The following XKR9 variants were observed in gnomAD, a reference collection of about 807,000 sequenced individuals.
XKR9 encodes XK-related protein 9.
XKR9 carries 32 observed loss-of-function variants against 32.0 expected under a neutral mutation model. The observed-to-expected ratio is 1.00, with a 90% CI of 0.76 to 1.34. XKR9 has a LOEUF of 1.34. Among genes scored for constraint, XKR9 ranks in the 40% most tolerant of loss-of-function variants. The pLI is 0.00. For missense variants in XKR9, 546 were observed against 429.7 expected (o/e 1.27, Z -2.39); for synonymous variants, 168 against 143.4 (o/e 1.17, Z -1.22).
At chr8:70,895,796 G>A in the XKR9 span, among the ~76,000 whole-genome samples, 1 of 134,400 alleles carries the variant, frequency 7.4e-6, no homozygotes, top group Non-Finnish European at 1.5e-5. Context: ...ATCAGCCTGG[G>A]CAACATGGCA....
chr8:70,877,851 T>C, the XKR9 span, among the ~76,000 whole-genome samples: 1 of 151,876 alleles, frequency 6.6e-6, no homozygotes, highest in East Asian at 1.9e-4. Flanking sequence ...ACCCAAGACA[T>C]AATTGTCAGT....
chr8:70,849,085 ACCAAGTGGAC>A, the XKR9 span, among the ~76,000 whole-genome samples: 2 of 152,212 alleles, frequency 1.3e-5, no homozygotes, highest in East Asian at 1.9e-4. Context: ...TCAGCTCTGC[ACCAAGTGGAC>A]CTAATAGACA....
chr8:70,756,278 AAGTT>A (rs910878531), intron 2 of XKR9, among the ~76,000 whole-genome samples: 34 of 152,276 alleles, frequency 2.2e-4, no homozygotes, highest in Admixed American at 2.0e-3. Context: ...GCTTTATAGT[AAGTT>A]TTGAAATTGG....
chr8:70,759,189 A>G (rs573001017), intron 2 of XKR9, among the ~76,000 whole-genome samples: 10 of 152,336 alleles, frequency 6.6e-5, no homozygotes, highest in Non-Finnish European at 1.3e-4. Flanking sequence ...TTCTTGCCAA[A>G]TGTTTTCTAT....
chr8:70,929,164 C>A, the XKR9 span, among the ~76,000 whole-genome samples: 1 of 152,122 alleles, frequency 6.6e-6, no homozygotes, highest in Non-Finnish European at 1.5e-5. Flanking sequence ...TTTGGATCTT[C>A]CAGAGCAGTA....
the XKR9 span, among the ~76,000 whole-genome samples, chr8:71,056,322 G>A: frequency 2.0e-5 from 3 of 151,852 alleles, no homozygotes; most frequent in Non-Finnish European, 4.4e-5. Flanking sequence ...AAACAGAACA[G>A]GAGGTTGTTC....
intron 4 of XKR9, among the ~76,000 whole-genome samples, chr8:70,720,551 G>C (rs1482359173): frequency 1.3e-5 from 2 of 152,146 alleles, no homozygotes; most frequent in Admixed American, 6.5e-5. Context: ...CATCTGTTGA[G>C]ATAATCATAT....
chr8:70,972,658 G>C, the XKR9 span, among the ~76,000 whole-genome samples: 106 of 152,150 alleles, frequency 7.0e-4, no homozygotes, highest in African/African-American at 2.5e-3. Context: ...ATTTTACTGA[G>C]GGTTTTAATC....
chr8:70,764,819 C>T (rs1325976834), intron 2 of XKR9, among the ~76,000 whole-genome samples: 1 of 152,148 alleles, frequency 6.6e-6, no homozygotes, highest in Admixed American at 6.6e-5. Flanking sequence ...TCAACTCCCA[C>T]TTATGAGTGA....
the XKR9 span, among the ~76,000 whole-genome samples, chr8:70,906,503 T>G: frequency 1.3e-5 from 2 of 152,226 alleles, no homozygotes; most frequent in Non-Finnish European, 2.9e-5. Context: ...ATAGAGCTAG[T>G]ACCTGTGGTT....
the XKR9 span, among the ~76,000 whole-genome samples, chr8:70,899,458 T>C: frequency 3.0e-4 from 46 of 151,994 alleles, 2 homozygotes; most frequent in South Asian, 9.0e-3. Context: ...AGAGAGATTT[T>C]GCTGCCTGTA....
intron 3 of XKR9, among the ~76,000 whole-genome samples, chr8:70,685,874 TAAAGTA>T (rs1819258188): frequency 6.6e-6 from 1 of 151,636 alleles, no homozygotes; most frequent in Non-Finnish European, 1.5e-5. Flanking sequence ...CTCTAAAACT[TAAAGTA>T]TAATAATAAA....
chr8:70,839,019 T>G, the XKR9 span, among the ~76,000 whole-genome samples: 1 of 152,068 alleles, frequency 6.6e-6, no homozygotes, highest in East Asian at 1.9e-4. Flanking sequence ...GTTTTGTACC[T>G]CCCATTATGA....
chr8:70,785,735 CTCTCTATATA>C (rs1410229704), intron 2 of XKR9, among the ~76,000 whole-genome samples: 2 of 113,120 alleles, frequency 1.8e-5, no homozygotes, highest in African/African-American at 2.9e-5. Context: ...CTCTCTCTCT[CTCTCTATATA>C]TATATATATA....
At chr8:70,926,219 C>T in the XKR9 span, among the ~76,000 whole-genome samples, 3 of 152,130 alleles carry the variant, frequency 2.0e-5, no homozygotes, top group African/African-American at 7.2e-5. Context: ...GGATTACAGG[C>T]ACCCAGCACC....
chr8:71,000,827 C>G, the XKR9 span, among the ~76,000 whole-genome samples: 2 of 152,226 alleles, frequency 1.3e-5, no homozygotes, highest in African/African-American at 2.4e-5. Context: ...TAGATGGAGG[C>G]AGTGCCATTG....
Position 70,683,549 on chromosome 8 carries a change from G to A in XKR9, c.272+2219G>A, listed in dbSNP as rs189199411. On this transcript the variant is annotated intron_variant, in intron 3 of 4. Transcript: ENST00000408926. ...GTCACCCAGGCTGGCCTGCAGTGGC[G>A]CCTTCCCAGCTCATTGCAGCCTCCA... 9.9e-4 allele frequency: 448 copies of A among 450,456 alleles called. 1 individual carries two copies. The highest frequency in any genetic ancestry group is 3.8e-3 in the African/African-American group (187 of 49,518). The allele number at this position is 450,456 out of a possible 1,614,324, so 27.9% of individuals were successfully genotyped here. A position where few individuals can be genotyped will look rare whatever the true frequency, so the allele number is the denominator to read the frequency against.
chr8:70,922,231 G>A, the XKR9 span, among the ~76,000 whole-genome samples: 2 of 152,114 alleles, frequency 1.3e-5, no homozygotes, highest in African/African-American at 4.8e-5. Flanking sequence ...CCAATAACTT[G>A]TCCCTGTGCC....
At chr8:70,833,415 A>ATACAGGATAT in the XKR9 span, among the ~76,000 whole-genome samples, 11 of 152,208 alleles carry the variant, frequency 7.2e-5, no homozygotes, top group Non-Finnish European at 1.6e-4. Flanking sequence ...ATATAACATT[A>ATACAGGATAT]TACAGGATAT....
Sources: allele counts gnomAD v4.1 joint callset (sites outside exome capture counted in the v4.1 genomes callset), GRCh38; gene constraint gnomAD v4.1.1; transcripts MANE v1.5; gene names NCBI Gene and HGNC (gene_info 2026-07-23, HGNC 2026-07-21).